Variants in XPO6 observed in about 807,000 individuals in gnomAD.
The protein encoded by XPO6 is exportin-6.
A neutral mutation model predicts 130.0 loss-of-function variants in XPO6; 3 were observed. The ratio of observed to expected loss-of-function variants is 0.02; its 90% CI spans 0.01 to 0.06. XPO6 has a LOEUF of 0.06. XPO6 is among the 10% of genes least tolerant of loss of function. The probability of loss-of-function intolerance (pLI) is 1.00; values close to 1 mark genes in which losing one functional copy is unlikely to be tolerated. For missense variants in XPO6, 970 were observed against 1,393.0 expected (o/e 0.70, Z 4.83); for synonymous variants, 524 against 548.9 (o/e 0.95, Z 0.63).
intron 14 of XPO6, among the ~76,000 whole-genome samples, chr16:28,117,688 G>A (rs1166457015): frequency 6.6e-6 from 1 of 152,192 alleles, no homozygotes; most frequent in Non-Finnish European, 1.5e-5. Flanking sequence ...GTTAGTCAAT[G>A]TCTACTGAAT....
Position 28,154,457 on chromosome 16 carries a change from G to A in XPO6, c.1097+1617C>T, listed in dbSNP as rs150964884. 461 of 242,514 alleles carry A rather than the reference G, an allele frequency of 1.9e-3. 7 individuals carry two copies. The Admixed American group carries it at 0.025, about 13-fold the overall frequency. The allele number at this position is 242,514 out of a possible 1,614,324, so 15.0% of individuals were successfully genotyped here. The stretch of plus-strand genomic sequence containing the variant: ...GAACAGTAGAAAGTTAGGGGAAAAG[G>A]CAGTAGAGGGAAAGAGAAGCCAAGG... On this transcript the variant is annotated intron_variant, in intron 7 of 23. Transcript: ENST00000304658.
chr16:28,192,012 C>T, intron 1 of XPO6, among the ~76,000 whole-genome samples: 1 of 152,176 alleles, frequency 6.6e-6, no homozygotes, highest in East Asian at 1.9e-4. Flanking sequence ...GTAATCCCAG[C>T]ACTGTGGGAG....
rs1054819441 is a variant in XPO6, at chr16:28,126,229, G to A, written c.1607-381C>T. ...CTTGCCAAGCACGTGTCACATTTCCGGGGCAAGGCTGGTGTTCTACGCTGA... is the reference window on the plus strand; with the variant it reads ...CTTGCCAAGCACGTGTCACATTTCCAGGGCAAGGCTGGTGTTCTACGCTGA... On this transcript the variant is annotated intron_variant, in intron 12 of 23. Coordinates refer to ENST00000304658, the MANE Select transcript of XPO6 (RefSeq NM_015171.4). Among the ~76,000 whole-genome samples the A allele has an allele frequency of 9.8e-5, 15 of 152,308 alleles. No homozygotes were observed. In the East Asian group the frequency reaches 2.1e-3, roughly 22 times the overall value.
chr16:28,117,618 C>T (rs1596808173), intron 14 of XPO6, among the ~76,000 whole-genome samples, 156 bp from the exon 15 acceptor site: 2 of 152,288 alleles, frequency 1.3e-5, no homozygotes, highest in East Asian at 3.9e-4. Context: ...CACGTAGAAC[C>T]TAAAAACTAA....
intron 4 of XPO6, among the ~76,000 whole-genome samples, chr16:28,174,172 C>G (rs886908041): frequency 5.9e-5 from 9 of 152,274 alleles, no homozygotes; most frequent in African/African-American, 1.9e-4. Flanking sequence ...CGTGTCCCCC[C>G]AGTCCAGGCC....
intron 16 of XPO6, 135 bp from the exon 17 acceptor site, chr16:28,112,141 G>C: frequency 6.9e-6 from 7 of 1,019,044 alleles, no homozygotes; most frequent in Non-Finnish European, 8.4e-6. Flanking sequence ...TGCAACCTGG[G>C]CAAGGCCTTT....
rs1162729211 is a variant in XPO6, at chr16:28,101,008, A to G, written c.3276+450T>C. ...GCTGGGGCTGGTCTGGAAAGAGCCCAAGACAGCCGGGGAACCTGGGTCCCA... is the reference window on the plus strand; with the variant it reads ...GCTGGGGCTGGTCTGGAAAGAGCCCGAGACAGCCGGGGAACCTGGGTCCCA... On this transcript the variant is annotated intron_variant, in intron 23 of 23. Transcript: ENST00000304658. This position sits in a 1 kb window ranked among gnomAD's most constrained non-coding sequence, Gnocchi z 5.4. 3 of 271,752 alleles carry G rather than the reference A, an allele frequency of 1.1e-5. No homozygotes were observed. The highest frequency in any genetic ancestry group is 1.0e-4 in the Admixed American group (2 of 19,916). 16.8% of individuals were successfully genotyped at this position (271,752 alleles called of 1,614,324 possible).
At chr16:28,157,438 A>G (rs944477661) in intron 6 of XPO6, among the ~76,000 whole-genome samples, 1 of 152,196 alleles carries the variant, frequency 6.6e-6, no homozygotes, top group Non-Finnish European at 1.5e-5. Flanking sequence ...CTGGGCATCA[A>G]GAGCGAAACT....
intron 3 of XPO6, 55 bp downstream of exon 3, chr16:28,177,165 G>T (rs1448668574): frequency 2.5e-6 from 3 of 1,214,658 alleles, no homozygotes; most frequent in Admixed American, 4.0e-5. Context: ...CTAATGATAT[G>T]GCAATAGAAC....
chr16:28,118,865 C>T (rs1367375124), intron 14 of XPO6, among the ~76,000 whole-genome samples: 1 of 152,182 alleles, frequency 6.6e-6, no homozygotes, highest in Non-Finnish European at 1.5e-5. Flanking sequence ...ACATCACCCC[C>T]CCAGACTTGA....
intron 20 of XPO6, among the ~76,000 whole-genome samples, chr16:28,105,397 A>C (rs895124546): frequency 6.6e-6 from 1 of 152,134 alleles, no homozygotes; most frequent in Non-Finnish European, 1.5e-5. Flanking sequence ...AGGCCCACAT[A>C]TATTCAGTTC....
chr16:28,203,207 T>C lies in XPO6; in HGVS notation c.3+8159A>G, dbSNP rs1018892177. On this transcript the variant is annotated intron_variant, in intron 1 of 23. Coordinates refer to ENST00000304658, the MANE Select transcript of XPO6 (RefSeq NM_015171.4). The stretch of plus-strand genomic sequence containing the variant: ...GGAGGATCGCGTGAGCCCCAGGAGA[T>C]AGAGGCTGCAGTAAGACATGATTGC... Among the ~76,000 whole-genome samples the C allele has an allele frequency of 4.7e-5, 7 of 148,052 alleles. No individual in the cohort carries two copies. In the East Asian group the frequency reaches 1.2e-3, roughly 25 times the overall value.
In XPO6 at chr16:28,131,210, A is replaced by C. The variant is rs1284982647; in HGVS notation, c.1606+1124T>G. Among the ~76,000 whole-genome samples, 5 of 152,220 alleles carry C rather than the reference A, an allele frequency of 3.3e-5. No homozygotes were observed. The South Asian group carries it at 8.3e-4, about 25-fold the overall frequency. On this transcript the variant is annotated intron_variant, in intron 12 of 23. Coordinates refer to ENST00000304658, the MANE Select transcript of XPO6 (RefSeq NM_015171.4). ...CAGGGCCTACATTCGGGGCATGCCAAGGCCCATCAGCCTCCTGGGGCCCAC... is the reference window on the plus strand; with the variant it reads ...CAGGGCCTACATTCGGGGCATGCCACGGCCCATCAGCCTCCTGGGGCCCAC...
At chr16:28,209,190 T>C (rs746968225) in intron 1 of XPO6, 1 of 152,098 alleles carries the variant, frequency 6.6e-6, no homozygotes, top group African/African-American at 2.4e-5. Context: ...AAAAGACGGG[T>C]ACAGGTTGTT....
intron 1 of XPO6, among the ~76,000 whole-genome samples, chr16:28,200,148 CTCTA>C (rs2043932994): frequency 7.4e-6 from 1 of 134,912 alleles, no homozygotes; most frequent in African/African-American, 3.1e-5. Context: ...CAGAGGGAGA[CTCTA>C]TCTCAAAAAA....
chr16:28,124,400 G>T, intron 13 of XPO6, among the ~76,000 whole-genome samples: 1 of 152,172 alleles, frequency 6.6e-6, no homozygotes. Flanking sequence ...AACAGAGTAA[G>T]TTCAAATAAT....
chr16:28,113,090 G>GT (rs1402077351), intron 15 of XPO6, 40 bp from the exon 16 acceptor site: 2 of 1,593,056 alleles, frequency 1.3e-6, no homozygotes, highest in East Asian at 2.2e-5. Context: ...CCACATCCCT[G>GT]TAAGACTGGG....
intron 12 of XPO6, among the ~76,000 whole-genome samples, chr16:28,131,060 T>C (rs2042658997): frequency 6.6e-6 from 1 of 152,236 alleles, no homozygotes; most frequent in Non-Finnish European, 1.5e-5. Context: ...TGGAAACATC[T>C]GTAGCACTTC....
At chr16:28,102,716 T>A (rs1041103357) in intron 21 of XPO6, among the ~76,000 whole-genome samples, 2 of 152,092 alleles carry the variant, frequency 1.3e-5, no homozygotes, top group African/African-American at 4.8e-5. Flanking sequence ...CACTCCAGCC[T>A]AGGCAACAGA....
Sources: allele counts gnomAD v4.1 joint callset (sites outside exome capture counted in the v4.1 genomes callset), GRCh38; gene constraint gnomAD v4.1.1; non-coding constraint Gnocchi (gnomAD v3.1); transcripts MANE v1.5; gene names NCBI Gene and HGNC (gene_info 2026-07-23, HGNC 2026-07-21).